The following SPOCK3 variants were observed in gnomAD, a reference collection of about 807,000 sequenced individuals.
SPOCK3 encodes testican-3.
In SPOCK3, 30 loss-of-function variants were observed where a neutral mutation model predicts 56.6. That is an observed-to-expected ratio of 0.53 (90% CI 0.40 to 0.72). The LOEUF (loss-of-function observed/expected upper bound fraction) is 0.72. Among genes scored for constraint, SPOCK3 ranks in the 30% least tolerant of loss-of-function variants. SPOCK3 has a pLI of 0.00. For missense variants in SPOCK3, 527 were observed against 530.0 expected (o/e 0.99, Z 0.06); for synonymous variants, 196 against 183.3 (o/e 1.07, Z -0.56).
At chr4:167,208,419 C>T (rs1319535740) in intron 2 of SPOCK3, among the ~76,000 whole-genome samples, 1 of 152,054 alleles carries the variant, frequency 6.6e-6, no homozygotes, top group East Asian at 1.9e-4. Flanking sequence ...CAAATAGTTA[C>T]AGACTCAAGT....
At chr4:166,883,646 A>T (rs1457574685) in intron 6 of SPOCK3, among the ~76,000 whole-genome samples, 1 of 152,172 alleles carries the variant, frequency 6.6e-6, no homozygotes, top group East Asian at 1.9e-4. Context: ...TTTGTACTTT[A>T]TTGCTGGACC....
chr4:166,747,382 A>G (rs1735774395), intron 8 of SPOCK3, among the ~76,000 whole-genome samples: 1 of 152,196 alleles, frequency 6.6e-6, no homozygotes, highest in Non-Finnish European at 1.5e-5. Context: ...AATGACAAAA[A>G]CCATATGATT....
intron 6 of SPOCK3, among the ~76,000 whole-genome samples, chr4:166,857,149 T>C (rs1466732746): frequency 6.6e-6 from 1 of 152,198 alleles, no homozygotes; most frequent in Non-Finnish European, 1.5e-5. Context: ...GAAGATAGTT[T>C]GTCTTTTAAA....
At chr4:166,824,910 A>G (rs1248761421) in intron 6 of SPOCK3, among the ~76,000 whole-genome samples, 1 of 152,066 alleles carries the variant, frequency 6.6e-6, no homozygotes, top group African/African-American at 2.4e-5. Flanking sequence ...GCCAGTGGGG[A>G]AAAAAGCAAT....
chr4:167,068,453 A>G (rs1390667176), intron 2 of SPOCK3, among the ~76,000 whole-genome samples: 1 of 151,780 alleles, frequency 6.6e-6, no homozygotes, highest in African/African-American at 2.4e-5. Context: ...TAGCCAGGAA[A>G]ACATTCTAGT....
At chr4:166,819,023 C>T (rs1003609939) in intron 6 of SPOCK3, among the ~76,000 whole-genome samples, 2 of 151,998 alleles carry the variant, frequency 1.3e-5, no homozygotes, top group Non-Finnish European at 2.9e-5. Flanking sequence ...AAATACTCTC[C>T]TGGTAATATT....
intron 6 of SPOCK3, among the ~76,000 whole-genome samples, chr4:166,831,557 C>T (rs368349703): frequency 1.5e-4 from 23 of 151,930 alleles, no homozygotes; most frequent in East Asian, 9.7e-4. Context: ...TTGTCTATTT[C>T]ATTTAACATA....
Position 167,055,871 on chromosome 4 carries a change from C to T in SPOCK3, c.235+6621G>A, listed in dbSNP as rs544776382. Among the ~76,000 whole-genome samples, 6 of 152,306 alleles carry T rather than the reference C, an allele frequency of 3.9e-5. No homozygotes were observed. The East Asian group carries it at 1.2e-3, about 30-fold the overall frequency. On this transcript the variant is annotated intron_variant, in intron 3 of 10. Coordinates refer to ENST00000357545, the MANE Select transcript of SPOCK3 (RefSeq NM_001040159.2). The stretch of plus-strand genomic sequence containing the variant: ...CCTCTGTAGGCTCCACCTCTGGGGG[C>T]AGGGCACAGACAAACAAAAAGACAG...
At chr4:166,983,754 G>A (rs898763294) in intron 4 of SPOCK3, among the ~76,000 whole-genome samples, 1 of 151,998 alleles carries the variant, frequency 6.6e-6, no homozygotes, top group Admixed American at 6.6e-5. Context: ...CCTGAAAAAT[G>A]TATATTGCCC....
chr4:166,792,034 A>T (rs533770087), intron 7 of SPOCK3, 136 bp downstream of exon 7: 1 of 967,684 alleles, frequency 1.0e-6, no homozygotes, highest in Middle Eastern at 2.6e-4. Context: ...TGTGCTTGGA[A>T]GTAATAACGT....
intron 6 of SPOCK3, among the ~76,000 whole-genome samples, chr4:166,861,596 C>T (rs759671572): frequency 2.0e-5 from 3 of 152,052 alleles, no homozygotes; most frequent in East Asian, 1.9e-4. Flanking sequence ...TGCAGGATCC[C>T]GATTGCCCTT....
chr4:166,969,300 G>A (rs1325349660), intron 4 of SPOCK3, among the ~76,000 whole-genome samples: 1 of 152,116 alleles, frequency 6.6e-6, no homozygotes, highest in Non-Finnish European at 1.5e-5. Flanking sequence ...AATGTGAGAA[G>A]GACATGAGTT....
chr4:167,107,775 A>C (rs1459425081), intron 2 of SPOCK3, among the ~76,000 whole-genome samples: 1 of 152,010 alleles, frequency 6.6e-6, no homozygotes, highest in Non-Finnish European at 1.5e-5. Flanking sequence ...ACATACAAAA[A>C]TCAGTGGCAT....
intron 6 of SPOCK3, among the ~76,000 whole-genome samples, chr4:166,811,832 C>A (rs1743840723): frequency 6.6e-6 from 1 of 151,650 alleles, no homozygotes; most frequent in South Asian, 2.1e-4. Flanking sequence ...TTGAAAGAAG[C>A]TTTTAGTATT....
chr4:166,984,143 G>C (rs917665765), intron 4 of SPOCK3, among the ~76,000 whole-genome samples: 48 of 151,686 alleles, frequency 3.2e-4, no homozygotes, highest in African/African-American at 1.1e-3. Flanking sequence ...CCTAGAGAAG[G>C]GTACTTCTTA....
intron 6 of SPOCK3, among the ~76,000 whole-genome samples, chr4:166,874,475 C>T (rs975217218): frequency 2.0e-5 from 3 of 152,126 alleles, no homozygotes; most frequent in African/African-American, 7.2e-5. Context: ...GTGCTAAGGA[C>T]ATCGTATCTG....
intron 3 of SPOCK3, among the ~76,000 whole-genome samples, chr4:167,006,375 T>C (rs1285344052): frequency 2.6e-5 from 4 of 152,104 alleles, no homozygotes; most frequent in Non-Finnish European, 2.9e-5. Context: ...TTATATTCTC[T>C]ATAACAGAAT....
chr4:167,222,487 TATTACATATG>T (rs1438685911), intron 2 of SPOCK3, among the ~76,000 whole-genome samples: 6 of 134,374 alleles, frequency 4.5e-5, no homozygotes, highest in Admixed American at 2.3e-4. Context: ...TAAACATATA[TATTACATATG>T]AATATATGAA....
At chr4:167,157,628 A>AC (rs1380447218) in intron 2 of SPOCK3, among the ~76,000 whole-genome samples, 92 of 149,956 alleles carry the variant, frequency 6.1e-4, no homozygotes, top group Non-Finnish European at 1.2e-3. Flanking sequence ...TAAAAAAAAA[A>AC]ACACAATAAA....
Sources: allele counts gnomAD v4.1 joint callset (sites outside exome capture counted in the v4.1 genomes callset), GRCh38; gene constraint gnomAD v4.1.1; transcripts MANE v1.5; gene names NCBI Gene and HGNC (gene_info 2026-07-23, HGNC 2026-07-21).